TMEM132D: variants seen among roughly 807,000 people sequenced by gnomAD.
TMEM132D encodes the protein transmembrane protein 132D.
A neutral mutation model predicts 62.3 loss-of-function variants in TMEM132D; 21 were observed. That is an observed-to-expected ratio of 0.34 (90% CI 0.24 to 0.49). The LOEUF (loss-of-function observed/expected upper bound fraction) is 0.49. TMEM132D is among the 20% of genes least tolerant of loss of function. The probability of loss-of-function intolerance (pLI) is 0.99; values close to 1 mark genes in which losing one functional copy is unlikely to be tolerated. For missense variants in TMEM132D, 1,346 were observed against 1,402.8 expected (o/e 0.96, Z 0.65); for synonymous variants, 621 against 575.6 (o/e 1.08, Z -1.13).
intron 5 of TMEM132D, among the ~76,000 whole-genome samples, chr12:129,118,062 C>A (rs1390407575): frequency 6.6e-6 from 1 of 152,122 alleles, no homozygotes; most frequent in East Asian, 1.9e-4. Flanking sequence ...ATGCATATAC[C>A]AGCACTTAAC....
chr12:129,895,115 A>G (rs1233702331), intron 1 of TMEM132D, among the ~76,000 whole-genome samples: 1 of 152,132 alleles, frequency 6.6e-6, no homozygotes, highest in Non-Finnish European at 1.5e-5. Flanking sequence ...GAACGTGCTC[A>G]AGGTTCATAC....
intron 1 of TMEM132D, among the ~76,000 whole-genome samples, chr12:129,842,040 C>T (rs530331122): frequency 1.1e-4 from 17 of 150,490 alleles, no homozygotes; most frequent in Non-Finnish European, 1.8e-4. Context: ...ACGCCATTCT[C>T]CTGCCTCAGC....
At chr12:129,720,633 A>G (rs2137243725) in intron 1 of TMEM132D, among the ~76,000 whole-genome samples, 1 of 152,218 alleles carries the variant, frequency 6.6e-6, no homozygotes, top group East Asian at 1.9e-4. Flanking sequence ...GGTTTACAGA[A>G]AGGGGCTGCA....
chr12:129,334,858 G>T (rs1464857605), intron 4 of TMEM132D, among the ~76,000 whole-genome samples: 1 of 152,150 alleles, frequency 6.6e-6, no homozygotes, highest in East Asian at 1.9e-4. Context: ...CCAAAGTGCT[G>T]GGATTACAGG....
chr12:129,902,011 C>A (rs1875374750), intron 1 of TMEM132D, among the ~76,000 whole-genome samples: 1 of 152,106 alleles, frequency 6.6e-6, no homozygotes, highest in Admixed American at 6.5e-5. Context: ...GGCTCTGATC[C>A]CAGGGATTGT....
chr12:129,152,674 G>A (rs1877108811), intron 5 of TMEM132D, among the ~76,000 whole-genome samples: 3 of 152,114 alleles, frequency 2.0e-5, no homozygotes, highest in Admixed American at 2.0e-4. Context: ...AAGAGTCTGT[G>A]GGCCTGGGTG....
intron 2 of TMEM132D, among the ~76,000 whole-genome samples, chr12:129,663,358 G>A (rs1160043279): frequency 6.6e-6 from 1 of 152,162 alleles, no homozygotes; most frequent in Non-Finnish European, 1.5e-5. Flanking sequence ...GGCTGGTCTT[G>A]AACTCCCGAC....
At chr12:129,869,908 C>T (rs760398180) in intron 1 of TMEM132D, among the ~76,000 whole-genome samples, 1 of 152,198 alleles carries the variant, frequency 6.6e-6, no homozygotes, top group African/African-American at 2.4e-5. Flanking sequence ...AGATCAGCTC[C>T]TTGTCACTGG....
chr12:129,325,184 G>C (rs1273142154), intron 4 of TMEM132D, among the ~76,000 whole-genome samples: 1 of 152,218 alleles, frequency 6.6e-6, no homozygotes, highest in African/African-American at 2.4e-5. Context: ...CCGCGGGATG[G>C]ACAGTAGTCC....
chr12:129,803,356 A>G (rs1374092460), intron 1 of TMEM132D, among the ~76,000 whole-genome samples: 1 of 151,986 alleles, frequency 6.6e-6, no homozygotes, highest in Non-Finnish European at 1.5e-5. Context: ...ACCACAGTGC[A>G]ATCAAACTAG....
chr12:129,356,654 CAATAAATAAATAAATA>C (rs200753521), intron 3 of TMEM132D, among the ~76,000 whole-genome samples: 1 of 116,072 alleles, frequency 8.6e-6, no homozygotes, highest in African/African-American at 3.0e-5. Flanking sequence ...CCTGTCTCTA[CAATAAATAAATAAATA>C]AATAAATAAA....
At chr12:129,424,662 C>T (rs1160970899) in intron 3 of TMEM132D, among the ~76,000 whole-genome samples, 1 of 130,650 alleles carries the variant, frequency 7.7e-6, no homozygotes, top group African/African-American at 2.8e-5. Flanking sequence ...GAGCTGAGAT[C>T]ACGCCACTAC....
chr12:129,584,256 G>A (rs1434873066), intron 2 of TMEM132D, among the ~76,000 whole-genome samples: 1 of 152,082 alleles, frequency 6.6e-6, no homozygotes, highest in Non-Finnish European at 1.5e-5. Context: ...TGCAATTTCT[G>A]TCTCTAGTGT....
intron 1 of TMEM132D, among the ~76,000 whole-genome samples, chr12:129,897,042 T>C (rs1875162946): frequency 1.3e-5 from 2 of 152,200 alleles, no homozygotes; most frequent in South Asian, 4.1e-4. Context: ...AACCAATGTT[T>C]AAGGACAGAG....
At chr12:129,566,226 C>T (rs1181040728) in intron 2 of TMEM132D, among the ~76,000 whole-genome samples, 1 of 152,138 alleles carries the variant, frequency 6.6e-6, no homozygotes, top group Non-Finnish European at 1.5e-5. Context: ...AATAAACTGG[C>T]AATATTTGTT....
chr12:129,352,528 A>G (rs755145181), intron 3 of TMEM132D, among the ~76,000 whole-genome samples: 2 of 151,776 alleles, frequency 1.3e-5, no homozygotes, highest in Admixed American at 6.6e-5. Context: ...AAGGTCTAAT[A>G]TCCAGAATCT....
intron 4 of TMEM132D, among the ~76,000 whole-genome samples, chr12:129,299,933 C>T (rs562814086): frequency 6.6e-6 from 1 of 152,160 alleles, no homozygotes; most frequent in Non-Finnish European, 1.5e-5. Flanking sequence ...AAGGACTTCC[C>T]TTGTGCTTTT....
At chr12:129,528,431 C>CAAAAA (rs200147997) in intron 3 of TMEM132D, among the ~76,000 whole-genome samples, 1 of 133,204 alleles carries the variant, frequency 7.5e-6, no homozygotes, top group Non-Finnish European at 1.6e-5. Flanking sequence ...ATGCACACAG[C>CAAAAA]AAAAAAAAAA....
intron 3 of TMEM132D, among the ~76,000 whole-genome samples, chr12:129,527,154 C>G (rs1566098959): frequency 6.6e-6 from 1 of 152,000 alleles, no homozygotes; most frequent in Admixed American, 6.6e-5. Flanking sequence ...ACTATATATA[C>G]AAAAATTAGC....
Sources: allele counts gnomAD v4.1 joint callset (sites outside exome capture counted in the v4.1 genomes callset), GRCh38; gene constraint gnomAD v4.1.1; transcripts MANE v1.5; gene names NCBI Gene and HGNC (gene_info 2026-07-23, HGNC 2026-07-21).